The following CTNNA1 variants were observed in gnomAD, a reference collection of about 807,000 sequenced individuals.
CTNNA1 encodes the protein catenin alpha 1.
A neutral mutation model predicts 98.4 loss-of-function variants in CTNNA1; 37 were observed. The ratio of observed to expected loss-of-function variants is 0.38; its 90% CI spans 0.29 to 0.49. The LOEUF is 0.49. Ranked by LOEUF, CTNNA1 falls within the 20% of genes least tolerant of loss-of-function variation. CTNNA1 has a pLI of 0.95. For missense variants in CTNNA1, 761 were observed against 1,147.2 expected (o/e 0.66, Z 4.86); for synonymous variants, 404 against 413.2 (o/e 0.98, Z 0.27).
chr5:138,785,568 T>G (rs1196321908), intron 3 of CTNNA1, among the ~76,000 whole-genome samples: 1 of 152,110 alleles, frequency 6.6e-6, no homozygotes, highest in Non-Finnish European at 1.5e-5. Context: ...TTTTCTTTTC[T>G]TTCTTTTTTT....
intron 10 of CTNNA1, among the ~76,000 whole-genome samples, chr5:138,907,565 C>G (rs2150160461): frequency 6.6e-6 from 1 of 152,272 alleles, no homozygotes; most frequent in Non-Finnish European, 1.5e-5. Flanking sequence ...TGCCTCCTCT[C>G]TTGTGGGCAG....
At chr5:138,782,230 T>G in intron 2 of CTNNA1, 1 of 637,848 alleles carries the variant, frequency 1.6e-6, no homozygotes, top group Non-Finnish European at 2.8e-6. Context: ...TCTTCAGTCT[T>G]ATTGCTAGTA....
chr5:138,904,604 G>A (rs934034685), intron 10 of CTNNA1, 163 bp downstream of exon 10: 9 of 949,054 alleles, frequency 9.5e-6, no homozygotes, highest in African/African-American at 1.7e-5. Context: ...AATATTTTTT[G>A]TTTAACATTA....
intron 3 of CTNNA1, among the ~76,000 whole-genome samples, chr5:138,791,640 A>AAAAC (rs1756381097): frequency 6.7e-6 from 1 of 149,708 alleles, no homozygotes. Context: ...AAAAAAAAAA[A>AAAAC]AAGGGTCTTG....
chr5:138,812,224 A>G lies in CTNNA1; in HGVS notation c.510A>G (p.Glu170=), dbSNP rs375617895. The G allele has an allele frequency of 5.6e-6, 9 of 1,613,758 alleles. No individual in the cohort carries two copies. The highest frequency in any genetic ancestry group is 6.8e-6 in the Non-Finnish European group (8 of 1,179,848). ...TGAAGTTGAGGAATGCTGGCAATGA[A>G]CAAGACTTAGGAATCCAGTATAAAG... ...GILKLRNAGN[E]QDLGIQYKAL... is the part of the protein sequence containing the mutation. Residue 170 remains glutamate (E), a synonymous_variant, in exon 5 of 18, where the codon GAA becomes GAG. Transcript: ENST00000302763.
chr5:138,921,981 A>AG (rs1763009982), intron 11 of CTNNA1, among the ~76,000 whole-genome samples: 1 of 151,868 alleles, frequency 6.6e-6, no homozygotes, highest in East Asian at 1.9e-4. Context: ...TTCATGTCAC[A>AG]GGGTAAATCC....
intron 3 of CTNNA1, among the ~76,000 whole-genome samples, chr5:138,796,420 T>A (rs1756977335): frequency 6.6e-6 from 1 of 152,122 alleles, no homozygotes; most frequent in Non-Finnish European, 1.5e-5. Context: ...GGCGGGCACC[T>A]GTAGTCCCAG....
At chr5:138,798,267 T>G (rs1043174861) in intron 3 of CTNNA1, among the ~76,000 whole-genome samples, 2 of 152,208 alleles carry the variant, frequency 1.3e-5, no homozygotes, top group Admixed American at 1.3e-4. Context: ...ATGGGAGATG[T>G]GTACTCATTT....
At chr5:138,924,362 A>G (rs1356289873) in intron 11 of CTNNA1, 148 bp from the exon 12 acceptor site, 2 of 644,608 alleles carry the variant, frequency 3.1e-6, no homozygotes, top group African/African-American at 3.7e-5. Context: ...CTCTGTCACT[A>G]GTCACTGGTC....
At chr5:138,794,012 A>ATT (rs10717660) in intron 3 of CTNNA1, among the ~76,000 whole-genome samples, 2,565 of 112,202 alleles carry the variant, frequency 0.023, 99 homozygotes, top group African/African-American at 0.083. Flanking sequence ...TCCTGGGTTG[A>ATT]TTTTTTTTTT....
intron 3 of CTNNA1, among the ~76,000 whole-genome samples, chr5:138,806,403 C>A (rs1438143733): frequency 6.6e-6 from 1 of 151,300 alleles, no homozygotes; most frequent in Non-Finnish European, 1.5e-5. Context: ...TTTCATACAT[C>A]TCTGGCTTTC....
chr5:138,907,977 T>C (rs957439283), intron 10 of CTNNA1, among the ~76,000 whole-genome samples: 7 of 151,648 alleles, frequency 4.6e-5, no homozygotes, highest in Admixed American at 6.6e-5. Flanking sequence ...CCCTTTTTTT[T>C]TTCTTCTTCT....
intron 10 of CTNNA1, among the ~76,000 whole-genome samples, chr5:138,915,878 G>A (rs971011650): frequency 3.3e-5 from 5 of 152,144 alleles, no homozygotes; most frequent in East Asian, 1.9e-4. Flanking sequence ...GTGAAAACCC[G>A]TCTCTACTAA....
intron 11 of CTNNA1, among the ~76,000 whole-genome samples, chr5:138,922,911 CAAGA>C (rs1763208559): frequency 6.8e-6 from 1 of 146,596 alleles, no homozygotes; most frequent in Non-Finnish European, 1.5e-5. Flanking sequence ...AGGATGAATT[CAAGA>C]AAGTCTAAAT....
intron 7 of CTNNA1, among the ~76,000 whole-genome samples, chr5:138,851,231 T>C (rs1237642775): frequency 6.6e-6 from 1 of 152,180 alleles, no homozygotes; most frequent in Non-Finnish European, 1.5e-5. Context: ...GGCTCTTATC[T>C]CAACTGAGCC....
At chr5:138,768,476 G>A (rs1233780134) in intron 1 of CTNNA1, among the ~76,000 whole-genome samples, 1 of 151,478 alleles carries the variant, frequency 6.6e-6, no homozygotes, top group East Asian at 1.9e-4. Flanking sequence ...GGCCAGGGTG[G>A]CCTCAAATTC....
At chr5:138,812,062 G>A in intron 4 of CTNNA1, 121 bp from the exon 5 acceptor site, 1 of 794,672 alleles carries the variant, frequency 1.3e-6, no homozygotes, top group South Asian at 1.8e-5. Flanking sequence ...GCAAACTCGA[G>A]AGCTAAGTTT....
intron 7 of CTNNA1, among the ~76,000 whole-genome samples, chr5:138,844,941 T>G (rs938509046): frequency 6.6e-6 from 1 of 152,192 alleles, no homozygotes; most frequent in African/African-American, 2.4e-5. Flanking sequence ...CATAACTGGC[T>G]AGAAGCAGTC....
chr5:138,852,873 A>ACACACACACGCGCGCGCGCGCG (rs1561595166), intron 7 of CTNNA1, among the ~76,000 whole-genome samples: 4 of 126,232 alleles, frequency 3.2e-5, no homozygotes, highest in Admixed American at 7.9e-5. Context: ...GCGCGCGCGC[A>ACACACACACGCGCGCGCGCGCG]CACACACATT....
Sources: gnomAD v4.1 joint callset for allele counts (sites outside exome capture counted in the v4.1 genomes callset) on GRCh38, gnomAD v4.1.1 for gene constraint, MANE v1.5 for transcripts, NCBI Gene and HGNC (gene_info 2026-07-23, HGNC 2026-07-21) for gene names.